MTARC1: variants seen among roughly 807,000 people sequenced by gnomAD.
The protein encoded by MTARC1 is mitochondrial amidoxime-reducing component 1.
Under a neutral mutation model 33.6 loss-of-function variants are expected in MTARC1, and 24 were observed. The observed-to-expected ratio is 0.72, with a 90% CI of 0.52 to 1.01. The LOEUF is 1.01. Among genes scored for constraint, MTARC1 ranks in the 50% least tolerant of loss-of-function variants. The pLI is 0.00. For missense variants in MTARC1, 417 were observed against 445.7 expected (o/e 0.94, Z 0.58); for synonymous variants, 187 against 189.5 (o/e 0.99, Z 0.11).
At chr1:220,804,452 T>C (rs1315233774) in intron 4 of MTARC1, among the ~76,000 whole-genome samples, 2 of 152,206 alleles carry the variant, frequency 1.3e-5, no homozygotes, top group Non-Finnish European at 2.9e-5. Flanking sequence ...GGTCCACTAA[T>C]GCGGTTTGTC....
At position 220,816,689 on chromosome 1, in the gene MTARC1, T is replaced by G. The variant is rs2102616124; in HGVS notation, c.*3271T>G. 6.6e-6 allele frequency: 1 copy of G among 152,288 alleles called. No individual in the cohort carries two copies. 9.4% of individuals were successfully genotyped at this position (152,288 alleles called of 1,614,324 possible). A position where few individuals can be genotyped will look rare whatever the true frequency, so the allele number is the denominator to read the frequency against. ...AAGGAATCCCAGTTAGCAGGAGGGG[T>G]GCACTCATGGGAAGACTGAAGAAGT... On this transcript the variant is annotated 3_prime_UTR_variant, in exon 7 of 7. Coordinates refer to ENST00000366910, the MANE Select transcript of MTARC1 (RefSeq NM_022746.4).
At chr1:220,806,209 T>C (rs1439801821) in intron 6 of MTARC1, among the ~76,000 whole-genome samples, 1 of 152,322 alleles carries the variant, frequency 6.6e-6, no homozygotes, top group East Asian at 1.9e-4. Flanking sequence ...AGGAAATTGC[T>C]GAAACTCTGA....
At position 220,813,355 on chromosome 1, in the gene MTARC1, T is replaced by C. The variant is rs142203198; in HGVS notation, c.951T>C (p.Tyr317=). 1.4e-5 allele frequency: 23 copies of C among 1,614,138 alleles called. 1 individual carries two copies. In the African/African-American group the frequency reaches 2.1e-4, roughly 15 times the overall value. The change falls in exon 7 of 7, where the codon TAT becomes TAC. Residue 317 remains tyrosine (Y), a synonymous_variant. Transcript: ENST00000366910. ...LYGKSPLFGQ[Y]FVLENPGTIK... ...GAAAATCACCACTCTTTGGGCAGTA[T>C]TTTGTGCTGGAAAACCCAGGGACCA...
At position 220,813,449 on chromosome 1, in the gene MTARC1, C is replaced by G. The variant is rs369975142; in HGVS notation, c.*31C>G. ...ACCGTATGTCCTGGAATATTAGATG[C>G]CTTTTAAAAATGTTCTCAAAAATGA... On this transcript the variant is annotated 3_prime_UTR_variant, in exon 7 of 7. Transcript: ENST00000366910. The G allele has an allele frequency of 5.0e-6, 8 of 1,609,552 alleles. No individual in the cohort carries two copies. Among genetic ancestry groups the G allele is most frequent in the Non-Finnish European group, 6.8e-6 (8 of 1,176,872 alleles).
At chr1:220,808,699 A>G (rs1415546065) in intron 6 of MTARC1, among the ~76,000 whole-genome samples, 1 of 152,198 alleles carries the variant, frequency 6.6e-6, no homozygotes, top group East Asian at 1.9e-4. Context: ...GATGTTAGTC[A>G]CCCACAGGCA....
chr1:220,799,250 A>G (rs1672713378), intron 4 of MTARC1: 13 of 905,990 alleles, frequency 1.4e-5, no homozygotes, highest in Non-Finnish European at 1.7e-5. Context: ...CGTTTCTTCT[A>G]AAGATGGTGG....
intron 4 of MTARC1, chr1:220,799,314 G>A (rs1431662487): frequency 7.4e-6 from 3 of 407,360 alleles, no homozygotes; most frequent in Middle Eastern, 1.3e-3. Context: ...CAAGGTCCTG[G>A]GTTGGGCATC....
In MTARC1 at chr1:220,796,762, G is replaced by A. The variant is rs879273251; in HGVS notation, c.569G>A (p.Arg190Lys). 11 of 1,612,646 alleles carry A rather than the reference G, an allele frequency of 6.8e-6. No individual in the cohort carries two copies. The highest frequency in any genetic ancestry group is 9.3e-6 in the Non-Finnish European group (11 of 1,179,454). Residue 190 changes from arginine (R) to lysine (K), a missense_variant, in exon 3 of 7, where the codon AGA (arginine) becomes AAA (lysine). Transcript: ENST00000366910. ...LVHFEPHMRP[R>K]RPHQIADLFR... ...CACTTCGAGCCTCACATGCGACCGA[G>A]ACGTCCTCATCAAATAGCAGACTTG... is the stretch of plus-strand genomic sequence containing the variant.
chr1:220,803,061 A>G (rs1251536935), intron 4 of MTARC1, among the ~76,000 whole-genome samples: 1 of 152,106 alleles, frequency 6.6e-6, no homozygotes, highest in Non-Finnish European at 1.5e-5. Context: ...GTTTATTTTC[A>G]TAGTGCTATG....
At chr1:220,800,198 C>G (rs1286218804) in intron 4 of MTARC1, among the ~76,000 whole-genome samples, 1 of 123,876 alleles carries the variant, frequency 8.1e-6, no homozygotes, top group Non-Finnish European at 1.8e-5. Flanking sequence ...AAACCCGTAT[C>G]TCTCTCTCTA....
At chr1:220,807,792 C>T (rs1024743437) in intron 6 of MTARC1, among the ~76,000 whole-genome samples, 1 of 151,930 alleles carries the variant, frequency 6.6e-6, no homozygotes, top group Non-Finnish European at 1.5e-5. Context: ...CTTTGAAATG[C>T]GCTCACTCAC....
rs758969168 is a variant in MTARC1 at position 220,787,127 on chromosome 1, C to T, written c.183C>T (p.Leu61=). The T allele has an allele frequency of 3.1e-5, 49 of 1,558,732 alleles. No homozygotes were observed. Among genetic ancestry groups the T allele is most frequent in the Non-Finnish European group, 4.1e-5 (47 of 1,153,572 alleles). ...AGCAGGTGGGCACAGTGGCGCAGCT[C>T]TGGATCTACCCTGTGAAATCCTGCA... The part of the protein sequence containing the change: ...LLQQVGTVAQ[L]WIYPVKSCKG... Residue 61 remains leucine (L), a synonymous_variant, in exon 1 of 7, where the codon CTC becomes CTT. Coordinates refer to ENST00000366910, the MANE Select transcript of MTARC1 (RefSeq NM_022746.4).
chr1:220,792,462 AT>A (rs1672455438), intron 2 of MTARC1, among the ~76,000 whole-genome samples: 1 of 152,244 alleles, frequency 6.6e-6, no homozygotes, highest in Non-Finnish European at 1.5e-5. Context: ...TCATAAAAAA[AT>A]AGCATCACCT....
intron 2 of MTARC1, among the ~76,000 whole-genome samples, chr1:220,792,136 T>C (rs1370470907): frequency 6.6e-6 from 1 of 152,136 alleles, no homozygotes; most frequent in Non-Finnish European, 1.5e-5. Flanking sequence ...TTAGTTCTAA[T>C]GAAAGGAAGT....
In MTARC1 at chr1:220,813,329, G is replaced by A; in HGVS notation, c.925G>A (p.Gly309Arg). The change falls in exon 7 of 7, where the codon GGA (glycine) becomes AGA (arginine). Residue 309 changes from glycine to arginine, a missense_variant. Transcript: ENST00000366910. ...TGACCCTTCAGAACGAAAGTTATAT[G>A]GAAAATCACCACTCTTTGGGCAGTA... ...QCDPSERKLY[G>R]KSPLFGQYFV... The A allele has an allele frequency of 6.2e-6, 10 of 1,614,104 alleles. No individual in the cohort carries two copies. Among genetic ancestry groups the A allele is most frequent in the Non-Finnish European group, 8.5e-6 (10 of 1,180,020 alleles).
chr1:220,798,084 T>C (rs775361534), intron 4 of MTARC1, 70 bp downstream of exon 4: 1 of 1,613,030 alleles, frequency 6.2e-7, no homozygotes, highest in East Asian at 2.2e-5. Flanking sequence ...GTCTTTGACA[T>C]TGGATTAGAT....
At chr1:220,795,778 A>G (rs1672593680) in intron 2 of MTARC1, among the ~76,000 whole-genome samples, 1 of 152,228 alleles carries the variant, frequency 6.6e-6, no homozygotes, top group Admixed American at 6.5e-5. Flanking sequence ...CTCTGGACCT[A>G]AGGTGTGTTC....
rs72470572 is a variant in MTARC1, at chr1:220,786,988, T to A, written c.44T>A (p.Leu15His). 991 of 1,282,914 alleles carry A rather than the reference T, an allele frequency of 7.7e-4. 1 individual carries two copies. Among genetic ancestry groups the A allele is most frequent in the Middle Eastern group, 1.2e-3 (4 of 3,334 alleles). The allele number at this position is 1,282,914 out of a possible 1,614,324, so 79.5% of individuals were successfully genotyped here. Residue 15 changes from leucine to histidine, a missense_variant, in exon 1 of 7, where the codon CTC becomes CAC. Transcript: ENST00000366910. ...TCCGCGCTGGCGCGCTTTGTCCTCC[T>A]CGCGCAATCCCGGCCCGGGTGGCTC... ...GSSALARFVL[L>H]AQSRPGWLGV...
At chr1:220,809,004 C>T (rs1479332988) in intron 6 of MTARC1, 16 of 448,702 alleles carry the variant, frequency 3.6e-5, no homozygotes. Flanking sequence ...TTGCTGGATG[C>T]ACGAATACTG....
Sources: allele counts gnomAD v4.1 joint callset (sites outside exome capture counted in the v4.1 genomes callset), GRCh38; gene constraint gnomAD v4.1.1; transcripts MANE v1.5; gene names NCBI Gene and HGNC (gene_info 2026-07-23, HGNC 2026-07-21).